THSD4: variants seen among roughly 807,000 people sequenced by gnomAD.
The protein encoded by THSD4 is thrombospondin type 1 domain containing 4.
THSD4 carries 69 observed loss-of-function variants against 119.0 expected under a neutral mutation model. The observed-to-expected ratio is 0.58, with a 90% CI of 0.48 to 0.71. The LOEUF (loss-of-function observed/expected upper bound fraction) is 0.71. Ranked by LOEUF, THSD4 falls within the 30% of genes least tolerant of loss-of-function variation. The probability of loss-of-function intolerance (pLI) is 0.00; values close to 1 mark genes in which losing one functional copy is unlikely to be tolerated. For missense variants in THSD4, 1,393 were observed against 1,391.1 expected, an observed-to-expected ratio of 1.00 and a Z score of -0.02; for synonymous variants, 524 against 540.4, an observed-to-expected ratio of 0.97 and a Z score of 0.42.
chr15:71,628,258 A>G (rs572317507), intron 7 of THSD4, among the ~76,000 whole-genome samples: 2 of 152,308 alleles, frequency 1.3e-5, no homozygotes, highest in African/African-American at 2.4e-5. Flanking sequence ...GATCATCTTA[A>G]TTTCATTAAC....
intron 6 of THSD4, among the ~76,000 whole-genome samples, chr15:71,302,934 C>T (rs2044972894): frequency 6.6e-6 from 1 of 152,224 alleles, no homozygotes; most frequent in South Asian, 2.1e-4. Flanking sequence ...TACATACTTC[C>T]CTGCGAGTTC....
At chr15:71,221,014 C>G (rs1208263373) in intron 4 of THSD4, among the ~76,000 whole-genome samples, 1 of 152,164 alleles carries the variant, frequency 6.6e-6, no homozygotes, top group East Asian at 1.9e-4. Context: ...TCATCTTTCA[C>G]TCCAGGCCCA....
chr15:71,354,134 G>A (rs1257537486), intron 6 of THSD4, among the ~76,000 whole-genome samples: 1 of 152,136 alleles, frequency 6.6e-6, no homozygotes, highest in Non-Finnish European at 1.5e-5. Flanking sequence ...ATCTCTAAAA[G>A]AGGTTTAAAA....
upstream of THSD4, chr15:71,111,220 G>A (rs1404127130): frequency 1.9e-6 from 3 of 1,613,714 alleles, no homozygotes; most frequent in Non-Finnish European, 1.7e-6. Flanking sequence ...AAGGGAAAGA[G>A]AAGGAGATAA....
chr15:71,597,549 T>G (rs8037457), intron 7 of THSD4, among the ~76,000 whole-genome samples: 33,403 of 152,186 alleles, frequency 0.22, 4,378 homozygotes, highest in Non-Finnish European at 0.29. Context: ...CATTAGACTT[T>G]TAAAGAAATA....
chr15:71,166,252 C>G lies in THSD4; in HGVS notation c.99+11320C>G, dbSNP rs2043294165. On this transcript the variant is annotated intron_variant, in intron 3 of 17. Transcript: ENST00000261862. ...CTGGCGTATTGGTGCTGTAGACTCC[C>G]TTATGAATGTACTGGAATGACGGTG... Among the ~76,000 whole-genome samples, 4 of 152,260 alleles carry G rather than the reference C, an allele frequency of 2.6e-5. No individual in the cohort carries two copies. In the South Asian group the frequency reaches 6.2e-4, roughly 24 times the overall value.
chr15:71,416,746 G>GTTTTA (rs370499335), intron 7 of THSD4, among the ~76,000 whole-genome samples: 1 of 16,512 alleles, frequency 6.1e-5, no homozygotes, highest in African/African-American at 6.9e-5. Flanking sequence ...GTTTTGTTTT[G>GTTTTA]TTTTATTTTA....
chr15:71,370,670 T>G (rs1006858871), intron 6 of THSD4, among the ~76,000 whole-genome samples: 1 of 151,998 alleles, frequency 6.6e-6, no homozygotes, highest in Non-Finnish European at 1.5e-5. Flanking sequence ...TTTCTGTTCT[T>G]TTACATTTGC....
intron 6 of THSD4, among the ~76,000 whole-genome samples, chr15:71,365,652 G>T (rs577821618): frequency 6.6e-6 from 1 of 152,286 alleles, no homozygotes; most frequent in East Asian, 1.9e-4. Flanking sequence ...AGTGGGTTCT[G>T]TTTGGATTGG....
intron 7 of THSD4, among the ~76,000 whole-genome samples, chr15:71,632,632 C>T (rs189844796): frequency 6.6e-6 from 1 of 152,334 alleles, no homozygotes; most frequent in African/African-American, 2.4e-5. Flanking sequence ...ACTCCCCTAA[C>T]CCACAGTTTA....
At position 71,739,568 on chromosome 15, in the gene THSD4, A is replaced by G. The variant is rs79596569; in HGVS notation, c.1906+1561A>G. Among the ~76,000 whole-genome samples the G allele has an allele frequency of 5.9e-3, 902 of 152,322 alleles. 6 individuals are homozygous for G. Among genetic ancestry groups the G allele is most frequent in the African/African-American group, 0.021 (852 of 41,558 alleles). ...ACATTCCATACCAGATTGGAAATCA[A>G]TGCTGCTTCTGTTTCAAGCTGACTC... On this transcript the variant is annotated intron_variant, in intron 11 of 17. Transcript: ENST00000261862.
At position 71,393,444 on chromosome 15, in the gene THSD4, A is replaced by G. The variant is rs561063665; in HGVS notation, c.1016-18243A>G. ...GCCTTCATGCAGGAATAAACTCACCACGCTACCAGGGAGAGAGGTGAGCCT... is the reference window on the plus strand; with the variant it reads ...GCCTTCATGCAGGAATAAACTCACCGCGCTACCAGGGAGAGAGGTGAGCCT... On this transcript the variant is annotated intron_variant, in intron 6 of 17. Coordinates refer to ENST00000261862, the MANE Select transcript of THSD4 (RefSeq NM_024817.3). Among the ~76,000 whole-genome samples, 10 of 151,604 alleles carry G rather than the reference A, an allele frequency of 6.6e-5. No homozygotes were observed. The East Asian group carries it at 1.8e-3, about 27-fold the overall frequency.
upstream of THSD4, chr15:71,111,011 C>T (rs927821781): frequency 2.2e-6 from 2 of 898,782 alleles, no homozygotes; most frequent in African/African-American, 1.7e-5. Flanking sequence ...CTTCTGTCTG[C>T]ATGTCCTAAG....
At chr15:71,261,012 G>A (rs941343063) in intron 6 of THSD4, among the ~76,000 whole-genome samples, 3 of 152,212 alleles carry the variant, frequency 2.0e-5, no homozygotes, top group Non-Finnish European at 4.4e-5. Context: ...TGAGGCAGGA[G>A]AATCACTTGA....
intron 6 of THSD4, among the ~76,000 whole-genome samples, chr15:71,330,163 G>A (rs1218683552): frequency 6.6e-6 from 1 of 152,062 alleles, no homozygotes. Context: ...ACGAGGAGGG[G>A]TGGGAGCTGC....
chr15:71,466,566 T>C (rs1402042846), intron 7 of THSD4, among the ~76,000 whole-genome samples: 1 of 152,096 alleles, frequency 6.6e-6, no homozygotes, highest in Non-Finnish European at 1.5e-5. Flanking sequence ...CTCATCCCTC[T>C]AGGGTTTGCT....
intron 7 of THSD4, among the ~76,000 whole-genome samples, chr15:71,569,160 T>C (rs1174070085): frequency 2.6e-5 from 4 of 152,250 alleles, no homozygotes; most frequent in South Asian, 2.1e-4. Context: ...TTTTCTTTGC[T>C]GGTCAGGAGC....
intron 8 of THSD4, 67 bp from the exon 9 acceptor site, chr15:71,728,482 G>A: frequency 2.6e-6 from 4 of 1,558,878 alleles, no homozygotes; most frequent in Non-Finnish European, 3.5e-6. Context: ...AGAAACTGGG[G>A]GAGTCAGTTC....
intron 7 of THSD4, among the ~76,000 whole-genome samples, chr15:71,480,212 AT>A (rs1361842013): frequency 6.6e-6 from 1 of 151,946 alleles, no homozygotes; most frequent in Admixed American, 6.6e-5. Flanking sequence ...AATTTTTGTT[AT>A]TTTTTGTAGA....
Sources: gnomAD v4.1 joint callset for allele counts (sites outside exome capture counted in the v4.1 genomes callset) on GRCh38, gnomAD v4.1.1 for gene constraint, MANE v1.5 for transcripts, NCBI Gene and HGNC (gene_info 2026-07-23, HGNC 2026-07-21) for gene names.